PDZD7: variants seen among roughly 807,000 people sequenced by gnomAD.
The protein encoded by PDZD7 is PDZ domain-containing protein 7.
In PDZD7, 72 loss-of-function variants were observed where a neutral mutation model predicts 84.7. The ratio of observed to expected loss-of-function variants is 0.85; its 90% CI spans 0.70 to 1.03. The LOEUF (loss-of-function observed/expected upper bound fraction) is 1.03. PDZD7 is among the 50% of genes least tolerant of loss of function. The pLI is 0.00. For missense variants in PDZD7, 1,490 were observed against 1,412.9 expected, an observed-to-expected ratio of 1.05 and a Z score of -0.87; for synonymous variants, 594 against 580.7, an observed-to-expected ratio of 1.02 and a Z score of -0.33.
chr10:101,027,192 C>A (rs1411711097), intron 2 of PDZD7, among the ~76,000 whole-genome samples: 1 of 152,192 alleles, frequency 6.6e-6, no homozygotes, highest in Admixed American at 6.5e-5. Context: ...TTCTAGAACT[C>A]CAGTCTCCTC....
intron 8 of PDZD7, 49 bp downstream of exon 8, chr10:101,018,761 GTGAGACAGGTTT>G: frequency 6.6e-7 from 1 of 1,503,880 alleles, no homozygotes. Context: ...GGGACAGGAT[GTGAGACAGGTTT>G]TGGACCAGAG....
At position 101,011,736 on chromosome 10, in the gene PDZD7, G is replaced by A; in HGVS notation, c.1959C>T (p.Ala653=). ...GACGCTTGGGTGGCGTGTCCTGCCG[G>A]GCTGGTCTCAAAGCAGGAGGCCGGA... ...RAVRPPALRP[A]RQDTPPKRHL... Residue 653 remains alanine, a synonymous_variant, in exon 14 of 17, where the codon GCC becomes GCT. Coordinates refer to ENST00000619208, the MANE Select transcript of PDZD7 (RefSeq NM_001195263.2). The A allele has an allele frequency of 6.5e-7, 1 of 1,546,998 alleles. No homozygotes were observed. The highest frequency in any genetic ancestry group is 8.7e-7 in the Non-Finnish European group (1 of 1,146,950).
chr10:101,024,848 T>C (rs1201919470), intron 2 of PDZD7, among the ~76,000 whole-genome samples: 1 of 151,106 alleles, frequency 6.6e-6, no homozygotes, highest in Non-Finnish European at 1.5e-5. Context: ...TGTGTGTGTG[T>C]GTGTGTGTGT....
In PDZD7 at chr10:101,008,733, C is replaced by G; in HGVS notation, c.2836G>C (p.Val946Leu). Residue 946 changes from valine to leucine, a missense_variant, in exon 17 of 17, where the codon GTG becomes CTG. Transcript: ENST00000619208. The part of the protein sequence containing the change: ...RNKAREPMEL[V>L]VRVPGPSPRP... ...GGGCTGGGCCCGGGGACCCTGACCA[C>G]AAGCTCCATGGGCTCCCGGGCCTTG... 1 of 1,535,970 alleles carries G rather than the reference C, an allele frequency of 6.5e-7. No homozygotes were observed. Among genetic ancestry groups the G allele is most frequent in the South Asian group, 1.2e-5 (1 of 84,054 alleles).
intron 9 of PDZD7, 72 bp from the exon 10 acceptor site, chr10:101,016,499 G>A: frequency 1.4e-6 from 2 of 1,471,994 alleles, no homozygotes; most frequent in Non-Finnish European, 1.9e-6. Context: ...GAGGGCTCAG[G>A]ACAAGCTGGA....
At position 101,009,591 on chromosome 10, in the gene PDZD7, G is replaced by A. The variant is rs190764360; in HGVS notation, c.2618-241C>T. 4.4e-4 allele frequency among the ~76,000 whole-genome samples: 62 copies of A among 140,190 alleles called. 1 individual carries two copies. The highest frequency in any genetic ancestry group is 1.8e-4 in the Non-Finnish European group (12 of 64,872). The allele number at this position is 140,190 out of a possible 152,430, so 92.0% of individuals were successfully genotyped here. ...TCCCTTTTATTTATTTATTTTTTGA[G>A]ACAGAGTCTTTTTTTTTTTTTTTTT... On this transcript the variant is annotated intron_variant, in intron 15 of 16. Coordinates refer to ENST00000619208, the MANE Select transcript of PDZD7 (RefSeq NM_001195263.2).
Position 101,022,016 on chromosome 10 carries a change from C to T in PDZD7, c.720-71G>A, listed in dbSNP as rs1440259659. On this transcript the variant is annotated intron_variant, in intron 5 of 16. Coordinates refer to ENST00000619208, the MANE Select transcript of PDZD7 (RefSeq NM_001195263.2). ...CCGTTACCCCACTCCAGACCCCCTT[C>T]TCTTGGACACAAGACTGCACCAGTC... 2.5e-6 allele frequency: 4 copies of T among 1,587,208 alleles called. No individual in the cohort carries two copies. In the East Asian group the frequency reaches 6.9e-5, roughly 27 times the overall value.
At position 101,010,607 on chromosome 10, in the gene PDZD7, G is replaced by A; in HGVS notation, c.2282C>T (p.Pro761Leu). Residue 761 changes from proline to leucine, a missense_variant, in exon 15 of 17, where the codon CCT becomes CTT. Coordinates refer to ENST00000619208, the MANE Select transcript of PDZD7 (RefSeq NM_001195263.2). ...CCGGCCCCGGATCTGGCTCTGCGGA[G>A]GGTGCTCTCGGCTCAGGGGTTCTGT... ...LLTEPLSREH[P>L]PQSQIRGRAQ... 6.6e-7 allele frequency: 1 copy of A among 1,505,694 alleles called. No homozygotes were observed. The highest frequency in any genetic ancestry group is 8.9e-7 in the Non-Finnish European group (1 of 1,128,098). The allele number at this position is 1,505,694 out of a possible 1,614,324, so 93.3% of individuals were successfully genotyped here.
Position 101,010,596 on chromosome 10 carries a change from G to A in PDZD7, c.2293C>T (p.Gln765Ter). ...CGGCTCTGAGCCCGGCCCCGGATCT[G>A]GCTCTGCGGAGGGTGCTCTCGGCTC... ...PLSREHPPQS[Q>*]IRGRAQSRSR... Residue 765 changes from glutamine to a stop codon, truncating the protein, a stop_gained, in exon 15 of 17, where the codon CAG (glutamine) becomes TAG (stop). Transcript: ENST00000619208. LOFTEE classifies it high-confidence loss of function. The A allele has an allele frequency of 6.6e-7, 1 of 1,510,610 alleles. No individual in the cohort carries two copies. The highest frequency in any genetic ancestry group is 8.8e-7 in the Non-Finnish European group (1 of 1,130,984). The allele number at this position is 1,510,610 out of a possible 1,614,324, so 93.6% of individuals were successfully genotyped here. A position where few individuals can be genotyped will look rare whatever the true frequency, so the allele number is the denominator to read the frequency against.
At chr10:101,024,565 T>C (rs1937599705) in intron 2 of PDZD7, among the ~76,000 whole-genome samples, 2 of 152,134 alleles carry the variant, frequency 1.3e-5, no homozygotes, top group South Asian at 2.1e-4. Flanking sequence ...TTTGAGACCA[T>C]GGGCCAGGAA....
Position 101,008,241 on chromosome 10 carries a change from G to C in PDZD7, c.*226C>G, listed in dbSNP as rs956889966. ...GGCTTGGGAGGTTGGGGAGCAGTGA[G>C]TGCAGGTGACACAGGCTGCCCACTA... On this transcript the variant is annotated 3_prime_UTR_variant, in exon 17 of 17. Coordinates refer to ENST00000619208, the MANE Select transcript of PDZD7 (RefSeq NM_001195263.2). 3 of 560,042 alleles carry C rather than the reference G, an allele frequency of 5.4e-6. No individual in the cohort carries two copies. The highest frequency in any genetic ancestry group is 3.1e-5 in the Admixed American group (1 of 31,902). 34.7% of individuals were successfully genotyped at this position (560,042 alleles called of 1,614,324 possible). A position where few individuals can be genotyped will look rare whatever the true frequency, so the allele number is the denominator to read the frequency against.
intron 2 of PDZD7, among the ~76,000 whole-genome samples, chr10:101,029,310 G>A (rs1413290673): frequency 6.6e-6 from 1 of 152,172 alleles, no homozygotes; most frequent in Non-Finnish European, 1.5e-5. Context: ...CTACACTGTA[G>A]ATTCCTGGAA....
intron 6 of PDZD7, among the ~76,000 whole-genome samples, chr10:101,021,412 C>T (rs1853087693): frequency 6.6e-6 from 1 of 152,196 alleles, no homozygotes; most frequent in African/African-American, 2.4e-5. Flanking sequence ...CCCAGCCCAG[C>T]CCTCCTAGCT....
intron 4 of PDZD7, among the ~76,000 whole-genome samples, chr10:101,022,930 G>T (rs966504872): frequency 6.6e-6 from 1 of 152,062 alleles, no homozygotes; most frequent in East Asian, 1.9e-4. Flanking sequence ...GCTCCACCAC[G>T]CTCGGTTAAT....
intron 3 of PDZD7, 123 bp downstream of exon 3, chr10:101,023,805 C>T (rs1853266102): frequency 1.3e-6 from 2 of 1,542,740 alleles, no homozygotes; most frequent in African/African-American, 2.7e-5. Flanking sequence ...CCTGTCTCCC[C>T]ATCAATCAGG....
chr10:101,025,501 C>G (rs926004894), intron 2 of PDZD7, among the ~76,000 whole-genome samples: 1 of 151,762 alleles, frequency 6.6e-6, no homozygotes, highest in African/African-American at 2.4e-5. Flanking sequence ...AGCCACCACC[C>G]CAGCCTTGAA....
chr10:101,009,187 C>T (rs1015380680), intron 16 of PDZD7, 63 bp downstream of exon 16: 4 of 1,399,216 alleles, frequency 2.9e-6, no homozygotes, highest in Non-Finnish European at 3.9e-6. Context: ...GCATGGCCAG[C>T]CCCACCTCCT....
At chr10:101,017,327 G>T in intron 9 of PDZD7, 1 of 352,252 alleles carries the variant, frequency 2.8e-6, no homozygotes, top group Non-Finnish European at 5.1e-6. Flanking sequence ...GTCTGATGAT[G>T]TTGCTCAGAT....
intron 2 of PDZD7, among the ~76,000 whole-genome samples, chr10:101,024,785 AG>A (rs2134111691): frequency 1.3e-5 from 2 of 151,350 alleles, no homozygotes; most frequent in African/African-American, 4.8e-5. Flanking sequence ...AAAAAAAAAA[AG>A]AAAGAAAGAA....
Sources: gnomAD v4.1 joint callset for allele counts (sites outside exome capture counted in the v4.1 genomes callset) on GRCh38, gnomAD v4.1.1 for gene constraint, MANE v1.5 for transcripts, NCBI Gene and HGNC (gene_info 2026-07-23, HGNC 2026-07-21) for gene names.